Variants in ILRUN observed in about 807,000 individuals in gnomAD.
ILRUN encodes the protein protein ILRUN.
A neutral mutation model predicts 33.8 loss-of-function variants in ILRUN; 3 were observed. That is an observed-to-expected ratio of 0.09 (90% CI 0.04 to 0.23). The LOEUF (loss-of-function observed/expected upper bound fraction) is 0.23. Among genes scored for constraint, ILRUN ranks in the 10% least tolerant of loss-of-function variants. The pLI, the probability that ILRUN is intolerant of heterozygous loss-of-function variation, is 1.00. For synonymous variants in ILRUN, 124 were observed against 138.9 expected, an observed-to-expected ratio of 0.89 and a Z score of 0.75; for missense variants, 210 against 375.1, an observed-to-expected ratio of 0.56 and a Z score of 3.64.
intron 2 of ILRUN, among the ~76,000 whole-genome samples, chr6:34,649,783 A>C (rs1399009052): frequency 2.0e-5 from 3 of 152,210 alleles, no homozygotes; most frequent in Non-Finnish European, 2.9e-5. Context: ...GAAAGCAGAA[A>C]CCTTCATCAA....
At chr6:34,628,793 T>C (rs13207484) in intron 3 of ILRUN, among the ~76,000 whole-genome samples, 1 of 152,114 alleles carries the variant, frequency 6.6e-6, no homozygotes, top group Non-Finnish European at 1.5e-5. Context: ...AGTATTCCAT[T>C]TGCTTCTATC....
At chr6:34,659,913 G>A (rs537696033) in intron 1 of ILRUN, among the ~76,000 whole-genome samples, 18 of 151,880 alleles carry the variant, frequency 1.2e-4, no homozygotes, top group Admixed American at 7.2e-4. Flanking sequence ...GACCCACCAC[G>A]CCCGGCCCAT....
At chr6:34,666,984 A>G (rs1763019598) in intron 1 of ILRUN, among the ~76,000 whole-genome samples, 1 of 152,226 alleles carries the variant, frequency 6.6e-6, no homozygotes, top group African/African-American at 2.4e-5. Context: ...AATTATCACC[A>G]GTAAAATTAG....
intron 1 of ILRUN, among the ~76,000 whole-genome samples, chr6:34,687,972 C>T (rs1407644202): frequency 6.6e-6 from 1 of 151,938 alleles, no homozygotes. Context: ...AATACAGGTA[C>T]ACGCACATAT....
At position 34,606,616 on chromosome 6, in the gene ILRUN, T is replaced by G; in HGVS notation, c.800A>C (p.Asn267Thr). ...TEQDQNRLSQ[N>T]SVNLSPSSHA... ...ACTGCTGGGAGACAGATTTACAGAG[T>G]TCTGTGACAGTCTATTCTGGTCTTG... The change falls in exon 4 of 5, where the codon AAC (asparagine) becomes ACC (threonine). Residue 267 changes from asparagine to threonine, a missense_variant. By Grantham distance (65) the Asn-to-Thr change is moderately conservative. This residue lies in a region of ILRUN where 81 missense variants were observed against 97.0 expected (regional missense o/e 0.84). Coordinates refer to ENST00000374023, the MANE Select transcript of ILRUN (RefSeq NM_024294.4). 6.2e-7 allele frequency: 1 copy of G among 1,614,124 alleles called. No individual in the cohort carries two copies. Among genetic ancestry groups the G allele is most frequent in the Non-Finnish European group, 8.5e-7 (1 of 1,180,020 alleles).
At chr6:34,653,394 T>C (rs2814995) in intron 2 of ILRUN, among the ~76,000 whole-genome samples, 67,495 of 151,300 alleles carry the variant, frequency 0.45, 17,066 homozygotes, top group African/African-American at 0.7. Context: ...CCATACCCGG[T>C]TAATTTCTGT....
At chr6:34,669,962 A>T (rs1471664466) in intron 1 of ILRUN, among the ~76,000 whole-genome samples, 1 of 151,576 alleles carries the variant, frequency 6.6e-6, no homozygotes, top group East Asian at 1.9e-4. Context: ...CCCAGGCTGG[A>T]ATGTAATGGC....
At chr6:34,633,044 A>G (rs554103392) in intron 3 of ILRUN, among the ~76,000 whole-genome samples, 34 of 152,326 alleles carry the variant, frequency 2.2e-4, no homozygotes, top group Admixed American at 7.2e-4. Flanking sequence ...CATGCTATCT[A>G]TAAGAAACTC....
At chr6:34,660,113 G>A (rs1419266281) in intron 1 of ILRUN, among the ~76,000 whole-genome samples, 1 of 149,480 alleles carries the variant, frequency 6.7e-6, no homozygotes, top group Non-Finnish European at 1.5e-5. Flanking sequence ...ACTAGCCTAG[G>A]TAACATGGCG....
intron 3 of ILRUN, chr6:34,616,895 G>C (rs1211125823): frequency 1.6e-6 from 1 of 639,722 alleles, no homozygotes; most frequent in Non-Finnish European, 2.9e-6. Context: ...GCTCAACAAG[G>C]CTTCAATTAA....
chr6:34,607,804 G>A (rs183475789), intron 3 of ILRUN, among the ~76,000 whole-genome samples: 116 of 152,220 alleles, frequency 7.6e-4, no homozygotes, highest in African/African-American at 2.6e-3. Flanking sequence ...GTATCTAAAC[G>A]TATCTAAGGC....
intron 3 of ILRUN, among the ~76,000 whole-genome samples, chr6:34,621,796 G>A (rs1762018748): frequency 6.6e-6 from 1 of 152,088 alleles, no homozygotes; most frequent in Non-Finnish European, 1.5e-5. Context: ...CAGGGGGGCA[G>A]AGGTTGCAGT....
intron 2 of ILRUN, among the ~76,000 whole-genome samples, chr6:34,648,631 G>A (rs1762603329): frequency 1.3e-5 from 2 of 152,182 alleles, no homozygotes; most frequent in African/African-American, 4.8e-5. Flanking sequence ...TCTGGCAAAA[G>A]CCTATTTGTC....
chr6:34,679,298 C>CG (rs1452820665), intron 1 of ILRUN, among the ~76,000 whole-genome samples: 1 of 151,960 alleles, frequency 6.6e-6, no homozygotes, highest in Admixed American at 6.6e-5. Flanking sequence ...AATACAAATG[C>CG]GTCCAATCTT....
At chr6:34,600,909 T>C (rs994685886) in intron 4 of ILRUN, among the ~76,000 whole-genome samples, 1 of 152,232 alleles carries the variant, frequency 6.6e-6, no homozygotes, top group African/African-American at 2.4e-5. Context: ...CACAGCATGC[T>C]TAGAAGTCAA....
chr6:34,644,403 C>T (rs922301305), intron 3 of ILRUN, among the ~76,000 whole-genome samples: 8 of 152,074 alleles, frequency 5.3e-5, no homozygotes, highest in African/African-American at 1.7e-4. Context: ...TGACATGAGA[C>T]ATTTATCAAA....
At chr6:34,641,219 A>G (rs1316814160) in intron 3 of ILRUN, among the ~76,000 whole-genome samples, 1 of 152,220 alleles carries the variant, frequency 6.6e-6, no homozygotes, top group East Asian at 1.9e-4. Flanking sequence ...GTGCCTAGGC[A>G]ACAGAGTCCC....
chr6:34,611,309 C>G (rs532247138), intron 3 of ILRUN, among the ~76,000 whole-genome samples: 1 of 152,004 alleles, frequency 6.6e-6, no homozygotes, highest in Non-Finnish European at 1.5e-5. Flanking sequence ...CATCTCTTTG[C>G]GTTGGCTATT....
At chr6:34,685,691 A>T (rs767044293) in intron 1 of ILRUN, 1 of 152,176 alleles carries the variant, frequency 6.6e-6, no homozygotes, top group Non-Finnish European at 1.5e-5. Context: ...CAGAACATTC[A>T]TAAGTTTCCT....
Sources: gnomAD v4.1 joint callset for allele counts (sites outside exome capture counted in the v4.1 genomes callset) on GRCh38, gnomAD v4.1.1 for gene constraint, gnomAD v4.1.1 regional missense constraint, MANE v1.5 for transcripts, NCBI Gene and HGNC (gene_info 2026-07-23, HGNC 2026-07-21) for gene names.